DGKG: variants seen among roughly 807,000 people sequenced by gnomAD.
The protein encoded by DGKG is DAG kinase gamma.
In DGKG, 78 loss-of-function variants were observed where a neutral mutation model predicts 105.3. The ratio of observed to expected loss-of-function variants is 0.74; its 90% confidence interval spans 0.62 to 0.89. DGKG has a LOEUF of 0.89. Ranked by LOEUF, DGKG falls within the 40% of genes least tolerant of loss-of-function variation. The pLI, the probability that DGKG is intolerant of heterozygous loss-of-function variation, is 0.00. For synonymous variants in DGKG, 346 were observed against 367.1 expected, an observed-to-expected ratio of 0.94 and a Z score of 0.66; for missense variants, 958 against 1,020.1, an observed-to-expected ratio of 0.94 and a Z score of 0.83.
intron 2 of DGKG, among the ~76,000 whole-genome samples, chr3:186,311,960 CA>C (rs1271864743): frequency 3.6e-5 from 5 of 139,428 alleles, no homozygotes; most frequent in Non-Finnish European, 4.5e-5. Context: ...ACTAAAAATA[CA>C]AAAAATTAGC....
chr3:186,291,978 G>A (rs971283404), intron 5 of DGKG, among the ~76,000 whole-genome samples: 1 of 152,128 alleles, frequency 6.6e-6, no homozygotes, highest in African/African-American at 2.4e-5. Context: ...AGATGCAGGG[G>A]TCCAGGAAGG....
At chr3:186,160,796 A>G in intron 24 of DGKG, 8 of 985,462 alleles carry the variant, frequency 8.1e-6, no homozygotes, top group Non-Finnish European at 9.6e-6. Flanking sequence ...GCTCTTCACC[A>G]CGAGATTCTA....
chr3:186,265,208 A>C, intron 14 of DGKG, 39 bp downstream of exon 14: 1 of 1,607,858 alleles, frequency 6.2e-7, no homozygotes, highest in East Asian at 2.2e-5. Flanking sequence ...CCCTGGAACA[A>C]CTTAGAAGGT....
chr3:186,293,920 C>T (rs9860237), intron 5 of DGKG, among the ~76,000 whole-genome samples: 10 of 106,372 alleles, frequency 9.4e-5, no homozygotes, highest in Non-Finnish European at 2.2e-4. Context: ...AGAGGGCCTA[C>T]CAGGAAAAGG....
intron 5 of DGKG, among the ~76,000 whole-genome samples, chr3:186,294,785 C>T (rs2268822): frequency 0.25 from 38,108 of 151,922 alleles, 5,521 homozygotes; most frequent in East Asian, 0.38. Context: ...TTATCTGTGC[C>T]TTACGTCCAT....
At chr3:186,170,445 C>A (rs1287160639) in intron 22 of DGKG, among the ~76,000 whole-genome samples, 1 of 152,194 alleles carries the variant, frequency 6.6e-6, no homozygotes, top group Non-Finnish European at 1.5e-5. Flanking sequence ...TTGGGCCCAG[C>A]AGTCTGTGTT....
intron 2 of DGKG, among the ~76,000 whole-genome samples, chr3:186,317,482 A>G (rs1335022362): frequency 6.6e-6 from 1 of 152,000 alleles, no homozygotes; most frequent in Non-Finnish European, 1.5e-5. Context: ...ATGGGGTCCT[A>G]CTTTCCTTTC....
chr3:186,350,487 C>A (rs999531156), intron 1 of DGKG, among the ~76,000 whole-genome samples: 3 of 152,190 alleles, frequency 2.0e-5, no homozygotes, highest in African/African-American at 7.2e-5. Context: ...ATCCAGTCAT[C>A]CATAAGGGAA....
intron 1 of DGKG, among the ~76,000 whole-genome samples, chr3:186,344,386 C>A (rs1215336098): frequency 7.7e-6 from 1 of 129,558 alleles, no homozygotes; most frequent in East Asian, 2.0e-4. Flanking sequence ...ACATATACAC[C>A]ATGGAATATA....
chr3:186,150,178 G>T lies in DGKG; in HGVS notation c.2288C>A (p.Thr763Asn), dbSNP rs147120307. 8 of 1,611,896 alleles carry T rather than the reference G, an allele frequency of 5.0e-6. No homozygotes were observed. Among genetic ancestry groups the T allele is most frequent in the Non-Finnish European group, 5.9e-6 (7 of 1,178,982 alleles). ...CATCATGGGCGCTTGGTTCTTGTGA[G>T]TAATTTTAATCTAAAAGCAAAGAGG... ...WMQPCCTIKI[T>N]HKNQAPMMMG... is the part of the protein sequence containing the mutation. The change falls in exon 25 of 25, where the codon ACT (threonine) becomes AAT (asparagine). Residue 763 changes from threonine (T) to asparagine (N), a missense_variant. Coordinates refer to ENST00000265022, the MANE Select transcript of DGKG (RefSeq NM_001346.3).
chr3:186,160,557 G>A (rs1457118515), intron 24 of DGKG: 1 of 985,244 alleles, frequency 1.0e-6, no homozygotes, highest in Non-Finnish European at 1.2e-6. Flanking sequence ...CTTTATAGAA[G>A]ATGCTACCTT....
At chr3:186,183,344 G>A (rs1248594136) in intron 22 of DGKG, among the ~76,000 whole-genome samples, 2 of 152,174 alleles carry the variant, frequency 1.3e-5, no homozygotes, top group African/African-American at 4.8e-5. Flanking sequence ...TTGCTCATGG[G>A]TTTCGGGTTA....
At chr3:186,173,683 T>A (rs1222578309) in intron 22 of DGKG, among the ~76,000 whole-genome samples, 1 of 152,230 alleles carries the variant, frequency 6.6e-6, no homozygotes, top group Non-Finnish European at 1.5e-5. Flanking sequence ...TCTGCACAGA[T>A]GAAACACTGC....
intron 1 of DGKG, among the ~76,000 whole-genome samples, chr3:186,352,928 C>T (rs906135410): frequency 6.6e-6 from 1 of 152,136 alleles, no homozygotes; most frequent in South Asian, 2.1e-4. Context: ...AAAAAATGCA[C>T]ACTTTAATGT....
At chr3:186,280,805 G>C (rs1722797599) in intron 7 of DGKG, 61 bp from the exon 8 acceptor site, 3 of 1,463,970 alleles carry the variant, frequency 2.0e-6, no homozygotes, top group Admixed American at 3.4e-5. Flanking sequence ...GTCATTAAGA[G>C]CCGAACTCAA....
rs930804850 is a variant in DGKG at position 186,149,025 on chromosome 3, C to T, written c.*1065G>A. The T allele has an allele frequency of 3.3e-5, 32 of 955,480 alleles. No individual in the cohort carries two copies. The highest frequency in any genetic ancestry group is 2.3e-4 in the African/African-American group (13 of 56,170). 59.2% of individuals were successfully genotyped at this position (955,480 alleles called of 1,614,324 possible). On this transcript the variant is annotated 3_prime_UTR_variant, in exon 25 of 25. Coordinates refer to ENST00000265022, the MANE Select transcript of DGKG (RefSeq NM_001346.3). ...ATATACACGCACACACACACACACACGCGCGCACACACGTTAAGACCATCA... is the reference window on the plus strand; with the variant it reads ...ATATACACGCACACACACACACACATGCGCGCACACACGTTAAGACCATCA...
At chr3:186,202,468 G>T (rs1328759435) in intron 21 of DGKG, among the ~76,000 whole-genome samples, 1 of 152,232 alleles carries the variant, frequency 6.6e-6, no homozygotes, top group African/African-American at 2.4e-5. Context: ...GAAAAGGATT[G>T]TAATGTTTCT....
chr3:186,149,606 G>T lies in DGKG; in HGVS notation c.*484C>A, dbSNP rs2108464713. 5.1e-6 allele frequency: 5 copies of T among 986,066 alleles called. No homozygotes were observed. Among genetic ancestry groups the T allele is most frequent in the Non-Finnish European group, 6.0e-6 (5 of 830,136 alleles). 61.1% of individuals were successfully genotyped at this position (986,066 alleles called of 1,614,324 possible). ...AAGGATTATGCTCTGAGAGCCGGAGGCCGTTTTGTCTCTGTACAGAGGGAA... is the reference window on the plus strand; with the variant it reads ...AAGGATTATGCTCTGAGAGCCGGAGTCCGTTTTGTCTCTGTACAGAGGGAA... On this transcript the variant is annotated 3_prime_UTR_variant, in exon 25 of 25. Transcript: ENST00000265022.
In DGKG at chr3:186,257,954, A is replaced by C; in HGVS notation, c.1425-15T>G. ...AAAAGTTCAACCTGGGAAGAAGAAG[A>C]AAGGCCAAAATGGGCTTGTTACTAG... On this transcript the variant is annotated splice_polypyrimidine_tract_variant and intron_variant, in intron 16 of 24. Transcript: ENST00000265022. 2 of 1,606,780 alleles carry C rather than the reference A, an allele frequency of 1.2e-6. No homozygotes were observed. The highest frequency in any genetic ancestry group is 1.7e-6 in the Non-Finnish European group (2 of 1,173,304).
Sources: allele counts gnomAD v4.1 joint callset (sites outside exome capture counted in the v4.1 genomes callset), GRCh38; gene constraint gnomAD v4.1.1; transcripts MANE v1.5; gene names NCBI Gene and HGNC (gene_info 2026-07-23, HGNC 2026-07-21).